The following SHISA4 variants were observed in gnomAD, a reference collection of about 807,000 sequenced individuals.
SHISA4 encodes shisa family member 4, also known as protein shisa-4.
Under a neutral mutation model 24.2 loss-of-function variants are expected in SHISA4, and 16 were observed. The ratio of observed to expected loss-of-function variants is 0.66; its 90% CI spans 0.45 to 1.00. The LOEUF is 1.00. SHISA4 is among the 50% of genes least tolerant of loss of function. The pLI, the probability that SHISA4 is intolerant of heterozygous loss-of-function variation, is 0.00. For synonymous variants in SHISA4, 106 were observed against 105.4 expected, an observed-to-expected ratio of 1.01 and a Z score of -0.04; for missense variants, 238 against 258.9, an observed-to-expected ratio of 0.92 and a Z score of 0.55.
At chr1:201,891,608 C>T in intron 4 of SHISA4, 40 bp downstream of exon 4, 1 of 1,582,306 alleles carries the variant, frequency 6.3e-7, no homozygotes, top group Non-Finnish European at 8.6e-7. Flanking sequence ...CTGCCTTCCC[C>T]CACCCCTTGC....
In SHISA4 at chr1:201,891,229, C is replaced by T. The variant is rs181522749; in HGVS notation, c.380-172C>T. On this transcript the variant is annotated intron_variant, in intron 3 of 4. Coordinates refer to ENST00000362011, the MANE Select transcript of SHISA4 (RefSeq NM_198149.3). ...AACACAGATTGACCAGCTGGGGCCA[C>T]GTGCACAGCTCCCTGCTTAACTCTG... Among the ~76,000 whole-genome samples the T allele has an allele frequency of 1.1e-4, 16 of 152,246 alleles. No homozygotes were observed. The East Asian group carries it at 1.5e-3, about 15-fold the overall frequency.
At chr1:201,889,257 G>A in intron 1 of SHISA4, 188 bp from the exon 2 acceptor site, 1 of 933,832 alleles carries the variant, frequency 1.1e-6, no homozygotes, top group Non-Finnish European at 1.6e-6. Flanking sequence ...GGCTGATCCC[G>A]GGGTGCAGGG....
intron 3 of SHISA4, among the ~76,000 whole-genome samples, chr1:201,890,888 C>G (rs1178701039): frequency 6.6e-6 from 1 of 152,182 alleles, no homozygotes; most frequent in Admixed American, 6.5e-5. Context: ...ACATATGACT[C>G]TTAGTAAGTA....
At chr1:201,889,101 G>T in intron 1 of SHISA4, 34 bp downstream of exon 1, 1 of 1,388,824 alleles carries the variant, frequency 7.2e-7, no homozygotes, top group Non-Finnish European at 9.4e-7. Flanking sequence ...GCAGGAGTGG[G>T]ATGGGGGCGG....
At chr1:201,888,780 A>G, upstream of SHISA4, 1 of 371,982 alleles carries the variant, frequency 2.7e-6, no homozygotes, top group Non-Finnish European at 4.8e-6. Context: ...TCCAGAGGCT[A>G]GGTGGGCGTC....
chr1:201,891,332 C>T (rs895966709), intron 3 of SHISA4, 69 bp from the exon 4 acceptor site: 80 of 1,599,976 alleles, frequency 5.0e-5, no homozygotes, highest in Non-Finnish European at 6.4e-5. Context: ...ACCTTGGTTT[C>T]CTGGGCAGGA....
rs1444949682 is a variant in SHISA4, at chr1:201,891,915, G to A, written c.*69G>A. The A allele has an allele frequency of 1.9e-6, 3 of 1,581,700 alleles. No homozygotes were observed. The highest frequency in any genetic ancestry group is 2.2e-5 in the South Asian group (2 of 90,438). On this transcript the variant is annotated 3_prime_UTR_variant, in exon 5 of 5. Coordinates refer to ENST00000362011, the MANE Select transcript of SHISA4 (RefSeq NM_198149.3). Reference sequence around the variant, plus strand: ...TGGGAGATGCCCTCATCCTGTACCTGCATCTGGTCCTGGGGGTGGCAGGAG... The same window carrying A: ...TGGGAGATGCCCTCATCCTGTACCTACATCTGGTCCTGGGGGTGGCAGGAG...
chr1:201,891,421 G>A lies in SHISA4; in HGVS notation c.400G>A (p.Gly134Ser). The A allele has an allele frequency of 1.9e-6, 3 of 1,613,860 alleles. No individual in the cohort carries two copies. The highest frequency in any genetic ancestry group is 2.5e-6 in the Non-Finnish European group (3 of 1,179,916). Residue 134 changes from glycine (G) to serine (S), a missense_variant, in exon 4 of 5, where the codon GGC (glycine) becomes AGC (serine). Transcript: ENST00000362011. ...TCTAGGCCAGGAGATTCCAATGACAGGCATCCCAGTGCAGCCAGTATACCC... is the reference window on the plus strand; with the variant it reads ...TCTAGGCCAGGAGATTCCAATGACAAGCATCCCAGTGCAGCCAGTATACCC... ...PFEGQEIPMT[G>S]IPVQPVYPYP...
rs1463514397 is a variant in SHISA4 at position 201,889,369 on chromosome 1, C to T, written c.74-76C>T. 7.6e-6 allele frequency: 12 copies of T among 1,579,976 alleles called. No homozygotes were observed. In the East Asian group the frequency reaches 1.8e-4, roughly 24 times the overall value. On this transcript the variant is annotated intron_variant, in intron 1 of 4. Coordinates refer to ENST00000362011, the MANE Select transcript of SHISA4 (RefSeq NM_198149.3). ...CGGGAGCCGTCAGGCTGGGGACCGCCGGGGGAGTGGGGCCGAGCGCGGCTG... is the reference window on the plus strand; with the variant it reads ...CGGGAGCCGTCAGGCTGGGGACCGCTGGGGGAGTGGGGCCGAGCGCGGCTG...
chr1:201,891,582 C>A lies in SHISA4; in HGVS notation c.547+14C>A. On this transcript the variant is annotated intron_variant, in intron 4 of 4. Transcript: ENST00000362011. The stretch of plus-strand genomic sequence containing the variant: ...ACAACCCTGCAGGTAAGTAAGCAAT[C>A]TGGAGCCCCTTGCTGCTGCCTTCCC... 3 of 1,599,108 alleles carry A rather than the reference C, an allele frequency of 1.9e-6. No individual in the cohort carries two copies. The highest frequency in any genetic ancestry group is 2.6e-6 in the Non-Finnish European group (3 of 1,171,134).
chr1:201,889,762 C>T, intron 2 of SHISA4, 146 bp downstream of exon 2: 1 of 939,276 alleles, frequency 1.1e-6, no homozygotes, highest in Non-Finnish European at 1.6e-6. Context: ...AGCCTGGCGG[C>T]AGAGCTAGGT....
intron 2 of SHISA4, among the ~76,000 whole-genome samples, chr1:201,890,101 A>T (rs1255039670): frequency 6.6e-6 from 1 of 152,160 alleles, no homozygotes; most frequent in South Asian, 2.1e-4. Flanking sequence ...TATAAAATAG[A>T]TATAGAGACT....
At position 201,889,022 on chromosome 1, in the gene SHISA4, G is replaced by A; in HGVS notation, c.28G>A (p.Ala10Thr). ...GCCACCCGCGGGGCTCCGCCGGGCC[G>A]CGCCGCTCACCGCAATCGCTCTGTT... MPPAGLRRA[A>T]PLTAIALLVL... is the part of the protein sequence containing the mutation. Residue 10 changes from alanine to threonine, a missense_variant, in exon 1 of 5, where the codon GCG (alanine) becomes ACG (threonine). By Grantham distance (58) the Ala-to-Thr change is moderately conservative. Transcript: ENST00000362011. 2 of 1,379,036 alleles carry A rather than the reference G, an allele frequency of 1.5e-6. No homozygotes were observed. Among genetic ancestry groups the A allele is most frequent in the Non-Finnish European group, 9.4e-7 (1 of 1,066,602 alleles). The allele number at this position is 1,379,036 out of a possible 1,614,324, so 85.4% of individuals were successfully genotyped here. A position where few individuals can be genotyped will look rare whatever the true frequency, so the allele number is the denominator to read the frequency against.
rs1036698449 is a variant in SHISA4, at chr1:201,891,997, G to A, written c.*151G>A. 8 of 847,818 alleles carry A rather than the reference G, an allele frequency of 9.4e-6. No homozygotes were observed. Among genetic ancestry groups the A allele is most frequent in the Non-Finnish European group, 1.5e-5 (8 of 521,422 alleles). 52.5% of individuals were successfully genotyped at this position (847,818 alleles called of 1,614,324 possible). A position where few individuals can be genotyped will look rare whatever the true frequency, so the allele number is the denominator to read the frequency against. On this transcript the variant is annotated 3_prime_UTR_variant, in exon 5 of 5. Coordinates refer to ENST00000362011, the MANE Select transcript of SHISA4 (RefSeq NM_198149.3). ...AGCCCTGGGCCCTACTGGGGACAGA[G>A]CCCCAGGGAAGTGGAACAGGAGCTG...
At position 201,891,802 on chromosome 1, in the gene SHISA4, C is replaced by T. The variant is rs148447600; in HGVS notation, c.550C>T (p.Pro184Ser). 1.6e-4 allele frequency: 256 copies of T among 1,614,090 alleles called. No homozygotes were observed. In the African/African-American group the frequency reaches 3.2e-3, roughly 20 times the overall value. ...AGPPVYNPAA[P>S]PPYMPPQPSY... Reference sequence around the variant, plus strand: ...CATCCTGTCTCTTTGGCTTTCAGCTCCTCCTCCCTATATGCCACCACAGCC... The same window carrying T: ...CATCCTGTCTCTTTGGCTTTCAGCTTCTCCTCCCTATATGCCACCACAGCC... The change falls in exon 5 of 5, where the codon CCT becomes TCT. Residue 184 changes from proline to serine, a missense_variant and splice_region_variant. By Grantham distance (74) the Pro-to-Ser change is moderately conservative (BLOSUM62 -1). Transcript: ENST00000362011.
chr1:201,892,149 C>T lies in SHISA4; in HGVS notation c.*303C>T, dbSNP rs1681112815. On this transcript the variant is annotated 3_prime_UTR_variant, in exon 5 of 5. Coordinates refer to ENST00000362011, the MANE Select transcript of SHISA4 (RefSeq NM_198149.3). ...CAAATAGTCCCTCTGCTCCCAAGAT[C>T]CCAGCCAGGAAGGCTGGGGCCCTAC... is the stretch of plus-strand genomic sequence containing the variant. The T allele has an allele frequency of 2.7e-6, 1 of 365,306 alleles. No individual in the cohort carries two copies. 22.6% of individuals were successfully genotyped at this position (365,306 alleles called of 1,614,324 possible). A position where few individuals can be genotyped will look rare whatever the true frequency, so the allele number is the denominator to read the frequency against.
Position 201,891,528 on chromosome 1 carries a change from T to C in SHISA4, c.507T>C (p.Tyr169=). The C allele has an allele frequency of 6.2e-7, 1 of 1,613,374 alleles. No homozygotes were observed. Among genetic ancestry groups the C allele is most frequent in the Non-Finnish European group, 8.5e-7 (1 of 1,179,768 alleles). ...IYPPSGPAPQ[Y]PLYPAGPPVY... ...CACCTAGTGGTCCTGCTCCCCAATA[T>C]CCACTCTACCCAGCTGGGCCCCCAG... The change falls in exon 4 of 5, where the codon TAT becomes TAC. Residue 169 remains tyrosine, a synonymous_variant. Transcript: ENST00000362011.
Position 201,889,449 on chromosome 1 carries a change from G to A in SHISA4, c.78G>A (p.Leu26=). 1 of 1,612,652 alleles carries A rather than the reference G, an allele frequency of 6.2e-7. No individual in the cohort carries two copies. Among genetic ancestry groups the A allele is most frequent in the Non-Finnish European group, 8.5e-7 (1 of 1,179,980 alleles). ...ALLVLGAPLV[L]AGEDCLWYLD... ...ACCCCCAATCCCTGCCCGCAGTGCTGGCCGGCGAGGACTGCCTGTGGTACC... is the reference window on the plus strand; with the variant it reads ...ACCCCCAATCCCTGCCCGCAGTGCTAGCCGGCGAGGACTGCCTGTGGTACC... The change falls in exon 2 of 5, where the codon CTG becomes CTA. Residue 26 remains leucine (L), a synonymous_variant. Coordinates refer to ENST00000362011, the MANE Select transcript of SHISA4 (RefSeq NM_198149.3).
chr1:201,890,892 G>A lies in SHISA4; in HGVS notation c.379+305G>A, dbSNP rs143355772. ...GGTGTATGCATACATATGACTCTTA[G>A]TAAGTACACGGGGTCAGGTCTGTAG... is the stretch of plus-strand genomic sequence containing the variant. On this transcript the variant is annotated intron_variant, in intron 3 of 4. Coordinates refer to ENST00000362011, the MANE Select transcript of SHISA4 (RefSeq NM_198149.3). Among the ~76,000 whole-genome samples the A allele has an allele frequency of 6.6e-5, 10 of 152,268 alleles. No homozygotes were observed. In the East Asian group the frequency reaches 1.9e-3, roughly 29 times the overall value.
Sources: gnomAD v4.1 joint callset for allele counts (sites outside exome capture counted in the v4.1 genomes callset) on GRCh38, gnomAD v4.1.1 for gene constraint, MANE v1.5 for transcripts, NCBI Gene and HGNC (gene_info 2026-07-23, HGNC 2026-07-21) for gene names.